The following NAA15 variants were observed in gnomAD, a reference collection of about 807,000 sequenced individuals.
NAA15 encodes N-terminal acetyltransferase.
A neutral mutation model predicts 114.0 loss-of-function variants in NAA15; 34 were observed. That is an observed-to-expected ratio of 0.30 (90% CI 0.23 to 0.40). The LOEUF (loss-of-function observed/expected upper bound fraction) is 0.40. NAA15 is among the 10% of genes least tolerant of loss of function. The probability of loss-of-function intolerance (pLI) is 1.00; values close to 1 mark genes in which losing one functional copy is unlikely to be tolerated. For missense variants in NAA15, 658 were observed against 1,004.5 expected (o/e 0.66, Z 4.66); for synonymous variants, 340 against 338.0 (o/e 1.01, Z -0.06).
At chr4:139,316,771 GTC>G (rs1031052633) in intron 1 of NAA15, among the ~76,000 whole-genome samples, 8 of 151,838 alleles carry the variant, frequency 5.3e-5, no homozygotes, top group African/African-American at 1.9e-4. Flanking sequence ...GGCCTTCTCA[GTC>G]TCTTAGTTCA....
chr4:139,306,235 GTTTAT>G (rs1157049101), intron 1 of NAA15, among the ~76,000 whole-genome samples: 3 of 152,048 alleles, frequency 2.0e-5, no homozygotes, highest in African/African-American at 7.2e-5. Flanking sequence ...CTATGTAAGA[GTTTAT>G]TTTATTTTGT....
chr4:139,360,754 C>CT (rs372216635), intron 13 of NAA15, 126 bp downstream of exon 13: 1 of 828,364 alleles, frequency 1.2e-6, no homozygotes, highest in Non-Finnish European at 1.7e-6. Context: ...TCAGTATTCA[C>CT]TTTTTTCAGT....
intron 5 of NAA15, among the ~76,000 whole-genome samples, chr4:139,343,543 G>C (rs1747482430): frequency 6.6e-6 from 1 of 152,122 alleles, no homozygotes; most frequent in African/African-American, 2.4e-5. Flanking sequence ...TCTGAAGAAG[G>C]CTGTGCTTTT....
intron 11 of NAA15, 56 bp downstream of exon 11, chr4:139,357,611 T>A: frequency 8.7e-7 from 1 of 1,144,052 alleles, no homozygotes; most frequent in Non-Finnish European, 1.2e-6. Flanking sequence ...CATGAACTTT[T>A]TCTCTGTATT....
intron 18 of NAA15, 53 bp downstream of exon 18, chr4:139,385,031 T>C: frequency 7.4e-7 from 1 of 1,348,826 alleles, no homozygotes; most frequent in Non-Finnish European, 9.9e-7. Context: ...GTAATTTTAA[T>C]GAATCAACAA....
intron 9 of NAA15, among the ~76,000 whole-genome samples, chr4:139,352,662 C>CTTTTTTTTTT (rs746490411): frequency 2.9e-5 from 3 of 103,288 alleles, no homozygotes; most frequent in South Asian, 3.3e-4. Flanking sequence ...CATAAAATAT[C>CTTTTTTTTTT]TTTTTTTTTT....
chr4:139,373,166 G>A (rs1259893668), intron 15 of NAA15, among the ~76,000 whole-genome samples: 2 of 152,114 alleles, frequency 1.3e-5, no homozygotes, highest in African/African-American at 4.8e-5. Context: ...ACAGGTGTGA[G>A]CTACCACACC....
At chr4:139,312,680 T>C (rs75122886) in intron 1 of NAA15, among the ~76,000 whole-genome samples, 6,105 of 151,636 alleles carry the variant, frequency 0.04, 211 homozygotes, top group Non-Finnish European at 0.061. Context: ...TCTGTCTCTG[T>C]AAAAAATGAA....
chr4:139,337,006 A>G (rs1747221342), intron 3 of NAA15, 54 bp downstream of exon 3: 1 of 1,160,692 alleles, frequency 8.6e-7, no homozygotes, highest in Non-Finnish European at 1.2e-6. Context: ...GAGCTAAGGC[A>G]GCAATTTGAG....
At chr4:139,319,395 C>T (rs142040965) in intron 1 of NAA15, among the ~76,000 whole-genome samples, 54 of 151,712 alleles carry the variant, frequency 3.6e-4, no homozygotes, top group African/African-American at 1.1e-3. Flanking sequence ...CGTGAGCCAC[C>T]GCGCCCAGCC....
chr4:139,332,137 G>A (rs1747032484), intron 1 of NAA15, among the ~76,000 whole-genome samples: 1 of 151,900 alleles, frequency 6.6e-6, no homozygotes, highest in South Asian at 2.1e-4. Flanking sequence ...GTCCTATAGT[G>A]CTTTTGTTTT....
At chr4:139,359,105 CAAAAA>C (rs750787451) in intron 11 of NAA15, among the ~76,000 whole-genome samples, 1 of 135,040 alleles carries the variant, frequency 7.4e-6, no homozygotes, top group African/African-American at 2.7e-5. Flanking sequence ...ACTCCCATCT[CAAAAA>C]AAAAAAAGAT....
intron 6 of NAA15, among the ~76,000 whole-genome samples, chr4:139,348,539 CAG>C (rs1304604618): frequency 1.3e-5 from 2 of 150,824 alleles, no homozygotes; most frequent in Non-Finnish European, 2.9e-5. Flanking sequence ...AAAGATATAA[CAG>C]AGAGTGAAGG....
chr4:139,317,348 G>A (rs1746443930), intron 1 of NAA15, among the ~76,000 whole-genome samples: 1 of 152,070 alleles, frequency 6.6e-6, no homozygotes, highest in African/African-American at 2.4e-5. Context: ...CGTGGGCCGG[G>A]CGCGGTGGCT....
intron 4 of NAA15, among the ~76,000 whole-genome samples, chr4:139,341,318 A>G (rs1747379280): frequency 6.6e-6 from 1 of 152,028 alleles, no homozygotes; most frequent in Non-Finnish European, 1.5e-5. Flanking sequence ...ACATCAGGCC[A>G]GGTGCGGTGG....
Position 139,376,345 on chromosome 4 carries a change from ATATCT to A in NAA15, c.1948-18_1948-14del. 1 of 1,414,860 alleles carries A rather than the reference ATATCT, an allele frequency of 7.1e-7. No homozygotes were observed. Among genetic ancestry groups the A allele is most frequent in the Non-Finnish European group, 1.0e-6 (1 of 1,005,012 alleles). The allele number at this position is 1,414,860 out of a possible 1,614,324, so 87.6% of individuals were successfully genotyped here. ...CAAGAACCTTAGTTTCATTTGTATA[ATATCT>A]TTTATTTTTGTTAGGTTGAAACTCC... On this transcript the variant is annotated splice_polypyrimidine_tract_variant and intron_variant, in intron 15 of 19. Coordinates refer to ENST00000296543, the MANE Select transcript of NAA15 (RefSeq NM_057175.5).
At chr4:139,376,084 T>G (rs1748573133) in intron 15 of NAA15, among the ~76,000 whole-genome samples, 1 of 152,232 alleles carries the variant, frequency 6.6e-6, no homozygotes, top group East Asian at 1.9e-4. Context: ...TCTGACCTGT[T>G]TCTCTTTCTG....
chr4:139,382,749 T>C (rs1748788667), intron 17 of NAA15, among the ~76,000 whole-genome samples: 1 of 152,156 alleles, frequency 6.6e-6, no homozygotes, highest in Non-Finnish European at 1.5e-5. Flanking sequence ...CTAAAGTATT[T>C]CACTATAGCT....
At chr4:139,363,867 T>C (rs907205860) in intron 14 of NAA15, among the ~76,000 whole-genome samples, 3 of 152,196 alleles carry the variant, frequency 2.0e-5, no homozygotes, top group Admixed American at 2.0e-4. Context: ...ACAATTAATA[T>C]ATTTTATTTG....
Sources: gnomAD v4.1 joint callset for allele counts (sites outside exome capture counted in the v4.1 genomes callset) on GRCh38, gnomAD v4.1.1 for gene constraint, MANE v1.5 for transcripts, NCBI Gene and HGNC (gene_info 2026-07-23, HGNC 2026-07-21) for gene names.